Variants in ARRB1 observed in about 807,000 individuals in gnomAD.
ARRB1 encodes arrestin beta 1, also known as beta-arrestin-1.
A neutral mutation model predicts 56.8 loss-of-function variants in ARRB1; 21 were observed. That is an observed-to-expected ratio of 0.37 (90% CI 0.26 to 0.53). The LOEUF (loss-of-function observed/expected upper bound fraction) is 0.53. Among genes scored for constraint, ARRB1 ranks in the 20% least tolerant of loss-of-function variants. ARRB1 has a pLI of 0.88. For missense variants in ARRB1, 424 were observed against 553.7 expected, an observed-to-expected ratio of 0.77 and a Z score of 2.35; for synonymous variants, 210 against 218.6, an observed-to-expected ratio of 0.96 and a Z score of 0.35.
chr11:75,300,922 CGCGCCACTGCACTCCAGCCT>C (rs1280437165), intron 1 of ARRB1, among the ~76,000 whole-genome samples: 1 of 144,412 alleles, frequency 6.9e-6, no homozygotes, highest in Non-Finnish European at 1.5e-5. Flanking sequence ...GAGCCGAGAT[CGCGCCACTGCACTCCAGCCT>C]GGGCGACAGA....
In ARRB1 at chr11:75,280,796, C is replaced by T. The variant is rs34459470; in HGVS notation, c.482+279G>A. On this transcript the variant is annotated intron_variant, in intron 7 of 15. Coordinates refer to ENST00000420843, the MANE Select transcript of ARRB1 (RefSeq NM_004041.5). ...TTCCAAAACAAATTAAAAAGACATG[C>T]AGTCTGGAGGGGATGAAATGAGAGG... Among the ~76,000 whole-genome samples, 520 of 152,298 alleles carry T rather than the reference C, an allele frequency of 3.4e-3. 5 individuals carry two copies. Among genetic ancestry groups the T allele is most frequent in the Non-Finnish European group, 5.8e-3 (395 of 68,020 alleles).
intron 12 of ARRB1, 93 bp from the exon 13 acceptor site, chr11:75,271,817 C>A (rs772912852): frequency 1.4e-6 from 2 of 1,394,128 alleles, no homozygotes; most frequent in Admixed American, 2.1e-5. Context: ...TTCTGCTGTC[C>A]CCCGGATAGA....
chr11:75,287,384 G>T lies in ARRB1; in HGVS notation c.52-9C>A, dbSNP rs773586490. The T allele has an allele frequency of 6.4e-7, 1 of 1,557,894 alleles. No homozygotes were observed. Among genetic ancestry groups the T allele is most frequent in the South Asian group, 1.2e-5 (1 of 84,428 alleles). The stretch of plus-strand genomic sequence containing the variant: ...CCCAGGTAGACGGTGAGCTGAGGAG[G>T]AGAGGCATAGGGGGCGTTAGCAGCT... On this transcript the variant is annotated splice_polypyrimidine_tract_variant and intron_variant, in intron 2 of 15. Transcript: ENST00000420843.
intron 1 of ARRB1, among the ~76,000 whole-genome samples, chr11:75,292,573 G>A (rs150343763): frequency 2.0e-5 from 3 of 152,314 alleles, no homozygotes; most frequent in East Asian, 3.9e-4. Flanking sequence ...GGGGCTGGAC[G>A]TGCAGAGAAG....
intron 13 of ARRB1, among the ~76,000 whole-genome samples, chr11:75,270,422 G>A (rs1459756667): frequency 6.6e-6 from 1 of 152,218 alleles, no homozygotes; most frequent in Non-Finnish European, 1.5e-5. Context: ...GAGGTCAGGA[G>A]TTTAAGACCA....
At chr11:75,316,488 C>T (rs1262927346) in intron 1 of ARRB1, among the ~76,000 whole-genome samples, 1 of 152,198 alleles carries the variant, frequency 6.6e-6, no homozygotes, top group Non-Finnish European at 1.5e-5. Context: ...GAGCTCCCTA[C>T]TTGCAAACCG....
At chr11:75,351,192 T>C (rs1947845075) in intron 1 of ARRB1, among the ~76,000 whole-genome samples, 1 of 152,170 alleles carries the variant, frequency 6.6e-6, no homozygotes, top group Admixed American at 6.5e-5. Flanking sequence ...GAGGCGTGTA[T>C]GACGGCGTGC....
Position 75,272,899 on chromosome 11 carries a change from C to A in ARRB1, c.994G>T (p.Gly332Cys), listed in dbSNP as rs368544186. 6.2e-7 allele frequency: 1 copy of A among 1,614,056 alleles called. No homozygotes were observed. The highest frequency in any genetic ancestry group is 8.5e-7 in the Non-Finnish European group (1 of 1,179,986). ...KVKVKLVVSR[G>C]GLLGDLASSD... ...GGGCTTGGCTGGAGCACTCACCCGC[C>A]CCGAGACACCACCAGCTTCACTTTC... Residue 332 changes from glycine to cysteine, a missense_variant, in exon 12 of 16, where the codon GGC (glycine) becomes TGC (cysteine). This residue lies in a region of ARRB1 where 121 missense variants were observed against 147.3 expected (regional missense o/e 0.82). Transcript: ENST00000420843.
chr11:75,269,369 G>A (rs762291299), intron 13 of ARRB1, among the ~76,000 whole-genome samples: 9 of 151,932 alleles, frequency 5.9e-5, no homozygotes, highest in South Asian at 2.1e-4. Flanking sequence ...CTTCCAGGTC[G>A]GAGCTCCTCC....
chr11:75,310,664 C>T lies in ARRB1; in HGVS notation c.21-20625G>A, dbSNP rs930707706. Among the ~76,000 whole-genome samples, 8 of 152,240 alleles carry T rather than the reference C, an allele frequency of 5.3e-5. No individual in the cohort carries two copies. In the South Asian group the frequency reaches 6.2e-4, roughly 12 times the overall value. On this transcript the variant is annotated intron_variant, in intron 1 of 15. Coordinates refer to ENST00000420843, the MANE Select transcript of ARRB1 (RefSeq NM_004041.5). Reference sequence around the variant, plus strand: ...CTCACATTTCACCCTCATGAGGAAACCTCATGAGCAACTCAGCCCCTGTGC... The same window carrying T: ...CTCACATTTCACCCTCATGAGGAAATCTCATGAGCAACTCAGCCCCTGTGC...
At chr11:75,338,782 A>G (rs1388033276) in intron 1 of ARRB1, among the ~76,000 whole-genome samples, 1 of 152,146 alleles carries the variant, frequency 6.6e-6, no homozygotes, top group Non-Finnish European at 1.5e-5. Flanking sequence ...TCATTTTTAG[A>G]ATGTCAAAAA....
intron 1 of ARRB1, among the ~76,000 whole-genome samples, chr11:75,318,724 G>A (rs1343145521): frequency 6.6e-6 from 1 of 151,624 alleles, no homozygotes; most frequent in Non-Finnish European, 1.5e-5. Flanking sequence ...TCCCGCCTCA[G>A]CCTCCCAAAG....
At chr11:75,327,604 T>G (rs1338735968) in intron 1 of ARRB1, among the ~76,000 whole-genome samples, 13 of 151,508 alleles carry the variant, frequency 8.6e-5, no homozygotes, top group Non-Finnish European at 1.6e-4. Context: ...TTTTTGTTTT[T>G]TTTTTTTGAG....
chr11:75,300,824 C>T (rs573820848), intron 1 of ARRB1, among the ~76,000 whole-genome samples: 2 of 151,086 alleles, frequency 1.3e-5, no homozygotes, highest in Admixed American at 6.6e-5. Flanking sequence ...AAAAATTAGC[C>T]GGGCGTGGTG....
chr11:75,290,277 T>C (rs1946576875), intron 1 of ARRB1, among the ~76,000 whole-genome samples: 1 of 152,214 alleles, frequency 6.6e-6, no homozygotes, highest in African/African-American at 2.4e-5. Context: ...AGTCAGGTCT[T>C]TGCAGGGCAG....
intron 1 of ARRB1, among the ~76,000 whole-genome samples, chr11:75,309,775 T>C (rs185040201): frequency 1.3e-5 from 2 of 152,262 alleles, no homozygotes; most frequent in Admixed American, 1.3e-4. Context: ...TTTCCATTAC[T>C]TCCAAGAATA....
chr11:75,268,245 C>CT (rs772462849), intron 14 of ARRB1, among the ~76,000 whole-genome samples: 5 of 152,104 alleles, frequency 3.3e-5, no homozygotes, highest in Non-Finnish European at 5.9e-5. Flanking sequence ...TAGCTCATGC[C>CT]TGTAATCCCA....
chr11:75,345,945 A>G (rs1591995984), intron 1 of ARRB1, among the ~76,000 whole-genome samples: 4 of 152,268 alleles, frequency 2.6e-5, no homozygotes, highest in South Asian at 4.1e-4. Context: ...GGAAGCATCA[A>G]CTGAGAAACA....
chr11:75,298,520 C>T (rs904185461), intron 1 of ARRB1, among the ~76,000 whole-genome samples: 1 of 152,140 alleles, frequency 6.6e-6, no homozygotes, highest in African/African-American at 2.4e-5. Flanking sequence ...TGGCTATACT[C>T]AAAAGGAAGG....
Sources: gnomAD v4.1 joint callset for allele counts (sites outside exome capture counted in the v4.1 genomes callset) on GRCh38, gnomAD v4.1.1 for gene constraint, gnomAD v4.1.1 regional missense constraint, MANE v1.5 for transcripts, NCBI Gene and HGNC (gene_info 2026-07-23, HGNC 2026-07-21) for gene names.